The following RYR2 variants were observed in gnomAD, a reference collection of about 807,000 sequenced individuals.
RYR2 encodes the protein ryanodine receptor 2, also known as cardiac muscle ryanodine receptor-calcium release channel.
Under a neutral mutation model 601.1 loss-of-function variants are expected in RYR2, and 227 were observed. The ratio of observed to expected loss-of-function variants is 0.38; its 90% CI spans 0.34 to 0.42. The LOEUF is 0.42. Among genes scored for constraint, RYR2 ranks in the 10% least tolerant of loss-of-function variants. The pLI is 1.00. For synonymous variants in RYR2, 2,223 were observed against 2,175.1 expected, an observed-to-expected ratio of 1.02 and a Z score of -0.61; for missense variants, 4,646 against 6,156.5, an observed-to-expected ratio of 0.75 and a Z score of 8.21.
intron 48 of RYR2, among the ~76,000 whole-genome samples, chr1:237,647,536 A>G (rs1416914475): frequency 6.6e-6 from 1 of 152,204 alleles, no homozygotes; most frequent in Non-Finnish European, 1.5e-5. Flanking sequence ...TTCATGATTC[A>G]CATATAAAAT....
intron 80 of RYR2, among the ~76,000 whole-genome samples, chr1:237,753,937 T>TA (rs60453546): frequency 1.3e-4 from 19 of 151,276 alleles, no homozygotes; most frequent in African/African-American, 3.4e-4. Flanking sequence ...TTTTTTTTTT[T>TA]AATTTATAAT....
chr1:237,511,645 G>A, intron 23 of RYR2, 43 bp from the exon 24 acceptor site: 2 of 1,398,838 alleles, frequency 1.4e-6, no homozygotes, highest in Non-Finnish European at 2.0e-6. Context: ...GCTAGTGCCT[G>A]GCATTGGAGA....
intron 24 of RYR2, among the ~76,000 whole-genome samples, chr1:237,527,028 A>AT (rs940118856): frequency 4.8e-4 from 73 of 152,126 alleles, no homozygotes; most frequent in African/African-American, 1.6e-3. Flanking sequence ...ATGGCTAGCC[A>AT]TTTTTTCCAG....
chr1:237,645,705 G>A (rs943974676), intron 48 of RYR2, among the ~76,000 whole-genome samples: 2 of 151,980 alleles, frequency 1.3e-5, no homozygotes, highest in African/African-American at 2.4e-5. Flanking sequence ...CTTTCCTTTT[G>A]TAGTTAGTTG....
intron 2 of RYR2, among the ~76,000 whole-genome samples, chr1:237,303,686 T>C (rs929599461): frequency 2.0e-5 from 3 of 152,238 alleles, no homozygotes; most frequent in Non-Finnish European, 4.4e-5. Flanking sequence ...AATATACATA[T>C]GTACCTTTTT....
At chr1:237,554,073 C>A (rs1670654180) in intron 27 of RYR2, among the ~76,000 whole-genome samples, 1 of 151,820 alleles carries the variant, frequency 6.6e-6, no homozygotes. Context: ...AGAGTTTATT[C>A]TGCCTTATAG....
intron 27 of RYR2, among the ~76,000 whole-genome samples, chr1:237,554,754 A>G (rs996591213): frequency 6.6e-6 from 1 of 152,058 alleles, no homozygotes; most frequent in African/African-American, 2.4e-5. Context: ...TTAGGTTGCC[A>G]TATATAGGCA....
chr1:237,063,014 A>T (rs1295422993), intron 1 of RYR2, among the ~76,000 whole-genome samples: 1 of 150,890 alleles, frequency 6.6e-6, no homozygotes, highest in African/African-American at 2.4e-5. Flanking sequence ...CAAAATTCTT[A>T]TGTTGAAATC....
At chr1:237,154,327 C>T (rs1675070413) in intron 1 of RYR2, among the ~76,000 whole-genome samples, 1 of 152,170 alleles carries the variant, frequency 6.6e-6, no homozygotes, top group Non-Finnish European at 1.5e-5. Flanking sequence ...CATTGCTGTT[C>T]TGAAGAGCTG....
chr1:237,139,079 A>G (rs925727049), intron 1 of RYR2, among the ~76,000 whole-genome samples: 1 of 152,234 alleles, frequency 6.6e-6, no homozygotes, highest in Non-Finnish European at 1.5e-5. Flanking sequence ...AAACTTGCTC[A>G]TGAATGTTCC....
At chr1:237,218,204 TAGG>T (rs1558444394) in intron 1 of RYR2, among the ~76,000 whole-genome samples, 4 of 152,224 alleles carry the variant, frequency 2.6e-5, no homozygotes, top group African/African-American at 9.6e-5. Flanking sequence ...GTGGATAAAT[TAGG>T]AGGAATCCTT....
chr1:237,625,200 C>G (rs1162495361), intron 39 of RYR2, among the ~76,000 whole-genome samples: 1 of 151,966 alleles, frequency 6.6e-6, no homozygotes, highest in Non-Finnish European at 1.5e-5. Flanking sequence ...TTTAGGGTAC[C>G]TAATTATGCC....
chr1:237,180,622 A>ATGTATATG lies in RYR2; in HGVS notation c.49-89867_49-89860dup, dbSNP rs1558379320. On this transcript the variant is annotated intron_variant, in intron 1 of 104. Transcript: ENST00000366574. The surrounding 1 kb of genome is among the most constrained non-coding windows in gnomAD (Gnocchi z 5.3). The stretch of plus-strand genomic sequence containing the variant: ...AGTATATATATGTATATATGTATAT[A>ATGTATATG]TGTATATGTGTATATATGTATATGT... 7.7e-5 allele frequency among the ~76,000 whole-genome samples: 1 copy of ATGTATATG among 12,972 alleles called. No homozygotes were observed. Among genetic ancestry groups the ATGTATATG allele is most frequent in the Non-Finnish European group, 1.3e-4 (1 of 7,720 alleles). The allele number at this position is 12,972 out of a possible 152,430, so 8.5% of individuals were successfully genotyped here. A position where few individuals can be genotyped will look rare whatever the true frequency, so the allele number is the denominator to read the frequency against.
chr1:237,388,812 T>C (rs1415600419), intron 10 of RYR2, among the ~76,000 whole-genome samples: 1 of 152,216 alleles, frequency 6.6e-6, no homozygotes, highest in Non-Finnish European at 1.5e-5. Context: ...TGTAGTAAGA[T>C]GAATATGTAA....
At chr1:237,605,159 TGCA>T (rs1360902978) in intron 35 of RYR2, among the ~76,000 whole-genome samples, 1 of 152,158 alleles carries the variant, frequency 6.6e-6, no homozygotes, top group Non-Finnish European at 1.5e-5. Context: ...TGAACATCGA[TGCA>T]AAAATCCTCA....
At chr1:237,273,824 A>G (rs1689956223) in intron 2 of RYR2, among the ~76,000 whole-genome samples, 1 of 149,644 alleles carries the variant, frequency 6.7e-6, no homozygotes, top group Admixed American at 6.7e-5. Flanking sequence ...AACTTCCTAA[A>G]CAAAAGAGAT....
intron 1 of RYR2, among the ~76,000 whole-genome samples, chr1:237,205,498 A>G (rs1303717784): frequency 6.6e-6 from 1 of 152,060 alleles, no homozygotes; most frequent in Non-Finnish European, 1.5e-5. Context: ...TGGCCAAGAG[A>G]CTATGTGCAA....
At chr1:237,249,298 T>G (rs1441063894) in intron 1 of RYR2, among the ~76,000 whole-genome samples, 2 of 152,184 alleles carry the variant, frequency 1.3e-5, no homozygotes, top group African/African-American at 4.8e-5. Context: ...CTGTCTGTCT[T>G]CCATGAGTCA....
intron 17 of RYR2, among the ~76,000 whole-genome samples, chr1:237,473,694 C>T (rs1445498509): frequency 6.6e-6 from 1 of 152,170 alleles, no homozygotes; most frequent in Admixed American, 6.5e-5. Flanking sequence ...ACCACCCAGG[C>T]TCCTGCCATT....
Sources: gnomAD v4.1 joint callset for allele counts (sites outside exome capture counted in the v4.1 genomes callset) on GRCh38, gnomAD v4.1.1 for gene constraint, Gnocchi (gnomAD v3.1) non-coding constraint, MANE v1.5 for transcripts, NCBI Gene and HGNC (gene_info 2026-07-23, HGNC 2026-07-21) for gene names.